PPARD: variants seen among roughly 807,000 people sequenced by gnomAD.
The protein encoded by PPARD is peroxisome proliferator activated receptor delta.
In PPARD, 6 loss-of-function variants were observed where a neutral mutation model predicts 39.5. That is an observed-to-expected ratio of 0.15 (90% CI 0.08 to 0.30). PPARD has a LOEUF of 0.30. Among genes scored for constraint, PPARD ranks in the 10% least tolerant of loss-of-function variants. The pLI, the probability that PPARD is intolerant of heterozygous loss-of-function variation, is 1.00. For synonymous variants in PPARD, 210 were observed against 231.3 expected, an observed-to-expected ratio of 0.91 and a Z score of 0.83; for missense variants, 397 against 596.8, an observed-to-expected ratio of 0.67 and a Z score of 3.49.
chr6:35,381,513 G>A (rs1031788351), intron 2 of PPARD, among the ~76,000 whole-genome samples: 2 of 152,254 alleles, frequency 1.3e-5, no homozygotes, highest in African/African-American at 2.4e-5. Context: ...AGTGCAGGGC[G>A]TCCAACCCCA....
intron 1 of PPARD, among the ~76,000 whole-genome samples, chr6:35,344,523 C>T (rs1343390826): frequency 1.3e-5 from 2 of 151,920 alleles, no homozygotes; most frequent in African/African-American, 2.4e-5. Flanking sequence ...CTTTATTTGG[C>T]GTTGGTTCTC....
chr6:35,365,130 C>CCT (rs1281072287), intron 2 of PPARD, among the ~76,000 whole-genome samples: 15 of 121,086 alleles, frequency 1.2e-4, no homozygotes, highest in African/African-American at 5.2e-4. Flanking sequence ...CTTCCTTATT[C>CCT]TTTTTTTTTT....
At chr6:35,348,618 C>T (rs1761031053) in intron 2 of PPARD, 1 of 985,270 alleles carries the variant, frequency 1.0e-6, no homozygotes, top group Non-Finnish European at 1.2e-6. Context: ...CTTCACTTCC[C>T]CTTCTCTGCC....
At chr6:35,407,161 C>G (rs1365592076) in intron 2 of PPARD, among the ~76,000 whole-genome samples, 1 of 152,184 alleles carries the variant, frequency 6.6e-6, no homozygotes, top group Non-Finnish European at 1.5e-5. Flanking sequence ...AGTATATATA[C>G]CAGGCAGTAT....
intron 2 of PPARD, among the ~76,000 whole-genome samples, chr6:35,358,883 T>A (rs1761766683): frequency 6.6e-6 from 1 of 152,182 alleles, no homozygotes; most frequent in Non-Finnish European, 1.5e-5. Flanking sequence ...AAAAATCTCC[T>A]GCTCTCGTGG....
At chr6:35,408,349 T>G (rs750334541) in intron 2 of PPARD, among the ~76,000 whole-genome samples, 10 of 152,128 alleles carry the variant, frequency 6.6e-5, no homozygotes, top group Non-Finnish European at 1.3e-4. Flanking sequence ...TAGGCACAGA[T>G]TGCTGATCCA....
At position 35,424,147 on chromosome 6, in the gene PPARD, C is replaced by T. The variant is rs759163941; in HGVS notation, c.626C>T (p.Ala209Val). ...CTCACCGGCAAAGCCAGCCACACGGCGGTGAGTGTTGCTGCTGCTTGGCCT... is the reference window on the plus strand; with the variant it reads ...CTCACCGGCAAAGCCAGCCACACGGTGGTGAGTGTTGCTGCTGCTTGGCCT... The part of the protein sequence containing the change: ...SILTGKASHT[A>V]PFVIHDIETL... The change falls in exon 6 of 8, where the codon GCG becomes GTG. Residue 209 changes from alanine to valine, a missense_variant and splice_region_variant. Coordinates refer to ENST00000360694, the MANE Select transcript of PPARD (RefSeq NM_006238.5). This position sits in a 1 kb window ranked among gnomAD's most constrained non-coding sequence, Gnocchi z 7.1. 2.0e-5 allele frequency: 33 copies of T among 1,612,284 alleles called. No individual in the cohort carries two copies. Among genetic ancestry groups the T allele is most frequent in the Non-Finnish European group, 2.5e-5 (29 of 1,179,976 alleles).
intron 2 of PPARD, among the ~76,000 whole-genome samples, chr6:35,360,732 C>T (rs1346609954): frequency 1.3e-5 from 2 of 152,230 alleles, no homozygotes; most frequent in Non-Finnish European, 2.9e-5. Context: ...CTCACTATAC[C>T]CAAACCAGCA....
intron 2 of PPARD, among the ~76,000 whole-genome samples, chr6:35,383,615 A>C (rs1763295689): frequency 8.0e-6 from 1 of 124,508 alleles, no homozygotes; most frequent in African/African-American, 5.1e-5. Flanking sequence ...CATCACATCT[A>C]GGAAGGAGGA....
chr6:35,424,526 C>A lies in PPARD; in HGVS notation c.825C>A (p.Leu275=). The stretch of plus-strand genomic sequence containing the variant: ...TCCCCAGCTTCAGCAGCCTCTTCCT[C>A]AACGACCAGGTTACCCTTCTCAAGT... ...KSIPSFSSLF[L]NDQVTLLKYG... is the part of the protein sequence containing the mutation. Residue 275 remains leucine, a synonymous_variant, in exon 7 of 8, where the codon CTC becomes CTA. Transcript: ENST00000360694. This position sits in a 1 kb window ranked among gnomAD's most constrained non-coding sequence, Gnocchi z 7.1. The A allele has an allele frequency of 6.2e-7, 1 of 1,614,218 alleles. No individual in the cohort carries two copies. The highest frequency in any genetic ancestry group is 8.5e-7 in the Non-Finnish European group (1 of 1,180,030).
chr6:35,364,771 G>A (rs1378618448), intron 2 of PPARD, among the ~76,000 whole-genome samples: 1 of 150,126 alleles, frequency 6.7e-6, no homozygotes, highest in Non-Finnish European at 1.5e-5. Flanking sequence ...GTGCAGTGGC[G>A]CGATTTCGCC....
chr6:35,381,020 C>T (rs1187084908), intron 2 of PPARD, among the ~76,000 whole-genome samples: 4 of 152,114 alleles, frequency 2.6e-5, no homozygotes, highest in Admixed American at 6.5e-5. Flanking sequence ...TTCCTTTGCT[C>T]CTGCCTTTTG....
rs531951798 is a variant in PPARD at position 35,426,312 on chromosome 6, T to G, written c.*233T>G. 4 of 583,350 alleles carry G rather than the reference T, an allele frequency of 6.9e-6. No homozygotes were observed. In the South Asian group the frequency reaches 8.6e-5, roughly 13 times the overall value. 36.1% of individuals were successfully genotyped at this position (583,350 alleles called of 1,614,324 possible). A position where few individuals can be genotyped will look rare whatever the true frequency, so the allele number is the denominator to read the frequency against. Reference sequence around the variant, plus strand: ...GTCTCCCTCTTTCTCAGTTCCTCTTTCTTTTCTAATTCCTGTTGCTCTGTT... The same window carrying G: ...GTCTCCCTCTTTCTCAGTTCCTCTTGCTTTTCTAATTCCTGTTGCTCTGTT... On this transcript the variant is annotated 3_prime_UTR_variant, in exon 8 of 8. Transcript: ENST00000360694.
At chr6:35,417,153 C>T (rs1264823901) in intron 3 of PPARD, among the ~76,000 whole-genome samples, 2 of 152,090 alleles carry the variant, frequency 1.3e-5, no homozygotes, top group African/African-American at 4.8e-5. Context: ...TGTGCCACCA[C>T]ACCCAGCTAG....
intron 3 of PPARD, among the ~76,000 whole-genome samples, chr6:35,416,374 CAAAAAAAAAAAAAAAAAA>C (rs1170617869): frequency 7.6e-4 from 40 of 52,580 alleles, no homozygotes; most frequent in Middle Eastern, 0.012. Context: ...GACTTCATCT[CAAAAAAAAAAAAAAAAAA>C]AAAAAAAAAA....
intron 2 of PPARD, among the ~76,000 whole-genome samples, chr6:35,389,808 TG>T (rs1268143937): frequency 4.6e-5 from 7 of 152,294 alleles, no homozygotes; most frequent in Admixed American, 2.0e-4. Flanking sequence ...GAGCTATGCC[TG>T]GGAAAATACA....
intron 4 of PPARD, among the ~76,000 whole-genome samples, chr6:35,420,819 CTTTTTTTTTTT>C (rs35852986): frequency 1.5e-4 from 13 of 85,738 alleles, no homozygotes; most frequent in South Asian, 5.1e-4. Context: ...AACAAAGAAG[CTTTTTTTTTTT>C]TTTTTTTTTT....
At chr6:35,377,874 T>TTTTTTTTTTTTTTTTTTTTTTC (rs1445981698) in intron 2 of PPARD, among the ~76,000 whole-genome samples, 12 of 142,138 alleles carry the variant, frequency 8.4e-5, no homozygotes, top group African/African-American at 3.6e-4. Context: ...TACGTATCTT[T>TTTTTTTTTTTTTTTTTTTTTTC]TTTTTTTTGA....
In PPARD at chr6:35,401,457, A is replaced by G. The variant is rs1407924065; in HGVS notation, c.-101-9530A>G. Among the ~76,000 whole-genome samples the G allele has an allele frequency of 6.6e-6, 1 of 152,116 alleles. No homozygotes were observed. The highest frequency in any genetic ancestry group is 1.9e-4 in the East Asian group (1 of 5,194). On this transcript the variant is annotated intron_variant, in intron 2 of 7. Coordinates refer to ENST00000360694, the MANE Select transcript of PPARD (RefSeq NM_006238.5). The surrounding 1 kb of genome is among the most constrained non-coding windows in gnomAD (Gnocchi z 4.1). ...AGCTCTGTTCCTCCCCATCCTCTTCATAACCCCCTTGGCTCTCTGCTCCTC... is the reference window on the plus strand; with the variant it reads ...AGCTCTGTTCCTCCCCATCCTCTTCGTAACCCCCTTGGCTCTCTGCTCCTC...
Sources: gnomAD v4.1 joint callset for allele counts (sites outside exome capture counted in the v4.1 genomes callset) on GRCh38, gnomAD v4.1.1 for gene constraint, Gnocchi (gnomAD v3.1) non-coding constraint, MANE v1.5 for transcripts, NCBI Gene and HGNC (gene_info 2026-07-23, HGNC 2026-07-21) for gene names.